CNTN5: variants seen among roughly 807,000 people sequenced by gnomAD.
The protein encoded by CNTN5 is contactin 5.
In CNTN5, 77 loss-of-function variants were observed where a neutral mutation model predicts 129.1. The ratio of observed to expected loss-of-function variants is 0.60; its 90% CI spans 0.50 to 0.72. CNTN5 has a LOEUF of 0.72. Among genes scored for constraint, CNTN5 ranks in the 30% least tolerant of loss-of-function variants. The pLI is 0.00. For missense variants in CNTN5, 1,478 were observed against 1,328.8 expected (o/e 1.11, Z -1.75); for synonymous variants, 509 against 465.6 (o/e 1.09, Z -1.20).
chr11:99,658,674 A>ACCATTGCACTC (rs1952473933), intron 3 of CNTN5, among the ~76,000 whole-genome samples: 1 of 147,548 alleles, frequency 6.8e-6, no homozygotes, highest in Non-Finnish European at 1.5e-5. Flanking sequence ...GGGTTTGAGA[A>ACCATTGCACTC]CAGCCTGACA....
At chr11:99,364,712 G>T (rs1373974234) in intron 2 of CNTN5, among the ~76,000 whole-genome samples, 1 of 152,064 alleles carries the variant, frequency 6.6e-6, no homozygotes, top group Non-Finnish European at 1.5e-5. Context: ...TCATTTGTCG[G>T]TACGATTAAA....
intron 2 of CNTN5, among the ~76,000 whole-genome samples, chr11:99,454,168 T>G (rs1286322148): frequency 1.3e-5 from 2 of 151,920 alleles, no homozygotes; most frequent in Non-Finnish European, 2.9e-5. Flanking sequence ...AATATATGAA[T>G]AGTCAAAATA....
intron 1 of CNTN5, among the ~76,000 whole-genome samples, chr11:99,318,376 G>A (rs987353842): frequency 1.3e-5 from 2 of 152,086 alleles, no homozygotes; most frequent in Non-Finnish European, 2.9e-5. Flanking sequence ...GTTCTTTCTA[G>A]AACAACATCC....
At chr11:99,333,063 C>T (rs1423394376) in intron 2 of CNTN5, among the ~76,000 whole-genome samples, 3 of 151,928 alleles carry the variant, frequency 2.0e-5, no homozygotes, top group Admixed American at 6.6e-5. Context: ...AAAAACTTCC[C>T]GGGTAGCTTT....
chr11:99,947,154 ATT>A (rs1394979069), intron 7 of CNTN5, among the ~76,000 whole-genome samples: 1 of 151,822 alleles, frequency 6.6e-6, no homozygotes, highest in Non-Finnish European at 1.5e-5. Context: ...AAGAAAATGC[ATT>A]CTTAATAGTT....
intron 1 of CNTN5, among the ~76,000 whole-genome samples, chr11:99,324,028 A>T (rs899867936): frequency 6.6e-6 from 1 of 152,192 alleles, no homozygotes; most frequent in Non-Finnish European, 1.5e-5. Context: ...TAGACTTGAT[A>T]TCAGAAATGC....
At chr11:99,944,579 A>C (rs1373305842) in intron 7 of CNTN5, among the ~76,000 whole-genome samples, 1 of 152,036 alleles carries the variant, frequency 6.6e-6, no homozygotes, top group South Asian at 2.1e-4. Context: ...AATTGTCTCT[A>C]TTTGCAGATG....
chr11:100,348,978 A>C (rs901961026), intron 23 of CNTN5, among the ~76,000 whole-genome samples: 5 of 151,994 alleles, frequency 3.3e-5, no homozygotes, highest in Non-Finnish European at 7.4e-5. Context: ...CCTGGCCTGC[A>C]TGAGATGTCC....
intron 11 of CNTN5, among the ~76,000 whole-genome samples, chr11:100,071,080 C>T (rs958788891): frequency 2.0e-4 from 30 of 151,898 alleles, no homozygotes; most frequent in African/African-American, 7.0e-4. Flanking sequence ...TTGAAATATG[C>T]TCTTGACTTG....
chr11:99,189,916 T>C (rs1858548589), intron 1 of CNTN5, among the ~76,000 whole-genome samples: 1 of 151,766 alleles, frequency 6.6e-6, no homozygotes, highest in Non-Finnish European at 1.5e-5. Context: ...TTTGATGTAA[T>C]CCCATTTTTC....
chr11:99,321,055 A>T (rs1249897233), intron 1 of CNTN5, among the ~76,000 whole-genome samples: 2 of 152,028 alleles, frequency 1.3e-5, no homozygotes, highest in East Asian at 3.9e-4. Context: ...CTTCCTTCAG[A>T]CTTTGAAACG....
intron 3 of CNTN5, among the ~76,000 whole-genome samples, chr11:99,718,872 G>T (rs893696418): frequency 6.6e-6 from 1 of 151,936 alleles, no homozygotes; most frequent in Admixed American, 6.6e-5. Context: ...GTAAGGCCAG[G>T]TTTCAATTCT....
chr11:99,431,161 A>G (rs1943353097), intron 2 of CNTN5, among the ~76,000 whole-genome samples: 1 of 152,104 alleles, frequency 6.6e-6, no homozygotes, highest in South Asian at 2.1e-4. Context: ...CAACAACAAC[A>G]ATGAAAATAC....
At chr11:99,200,122 T>A (rs1160384585) in intron 1 of CNTN5, among the ~76,000 whole-genome samples, 1 of 152,156 alleles carries the variant, frequency 6.6e-6, no homozygotes, top group East Asian at 1.9e-4. Context: ...GTTGATCATT[T>A]TTTTCTATAA....
chr11:99,224,890 G>A (rs919385856), intron 1 of CNTN5, among the ~76,000 whole-genome samples: 3 of 151,840 alleles, frequency 2.0e-5, no homozygotes, highest in Non-Finnish European at 2.9e-5. Context: ...TTGAAAAACT[G>A]GAAGGTGGAC....
intron 3 of CNTN5, among the ~76,000 whole-genome samples, chr11:99,621,727 C>T (rs1950957468): frequency 6.6e-6 from 1 of 152,102 alleles, no homozygotes; most frequent in African/African-American, 2.4e-5. Flanking sequence ...TCTTTATTAA[C>T]CTTCTTTTAG....
At chr11:99,673,701 G>A (rs908174384) in intron 3 of CNTN5, among the ~76,000 whole-genome samples, 16 of 151,490 alleles carry the variant, frequency 1.1e-4, no homozygotes, top group African/African-American at 3.6e-4. Context: ...GCCATATTTG[G>A]TTTTCTCTTC....
At chr11:99,597,325 C>T (rs762819663) in intron 3 of CNTN5, among the ~76,000 whole-genome samples, 2 of 152,124 alleles carry the variant, frequency 1.3e-5, no homozygotes, top group Non-Finnish European at 2.9e-5. Flanking sequence ...TAAATTCAGT[C>T]CACCTTTGTA....
chr11:99,159,901 A>G (rs973404386), intron 1 of CNTN5, among the ~76,000 whole-genome samples: 3 of 152,164 alleles, frequency 2.0e-5, no homozygotes, highest in Non-Finnish European at 2.9e-5. Flanking sequence ...TCAACACAAG[A>G]ATTGCTTTAA....
Sources: allele counts gnomAD v4.1 joint callset (sites outside exome capture counted in the v4.1 genomes callset), GRCh38; gene constraint gnomAD v4.1.1; transcripts MANE v1.5; gene names NCBI Gene and HGNC (gene_info 2026-07-23, HGNC 2026-07-21).